Variants in GOSR2 observed in about 807,000 individuals in gnomAD.
GOSR2 encodes the protein 27 kDa Golgi SNARE protein.
A neutral mutation model predicts 27.9 loss-of-function variants in GOSR2; 20 were observed. That is an observed-to-expected ratio of 0.72 (90% confidence interval 0.50 to 1.04). The LOEUF is 1.04. GOSR2 is among the 50% of genes least tolerant of loss of function. The pLI is 0.00. For missense variants in GOSR2, 261 were observed against 270.5 expected, an observed-to-expected ratio of 0.97 and a Z score of 0.25; for synonymous variants, 91 against 98.8, an observed-to-expected ratio of 0.92 and a Z score of 0.47.
intron 6 of GOSR2, among the ~76,000 whole-genome samples, chr17:46,972,038 G>A (rs2091398261): frequency 6.6e-6 from 1 of 152,198 alleles, no homozygotes; most frequent in African/African-American, 2.4e-5. Flanking sequence ...ACCTTCCCAA[G>A]ACAGGGAACT....
chr17:46,953,874 G>T (rs1162260113), intron 6 of GOSR2, among the ~76,000 whole-genome samples: 1 of 152,062 alleles, frequency 6.6e-6, no homozygotes, highest in East Asian at 1.9e-4. Context: ...TCGCCCACTT[G>T]TTGATGGGGT....
At chr17:46,965,849 T>G (rs2091295138) in intron 6 of GOSR2, among the ~76,000 whole-genome samples, 1 of 151,662 alleles carries the variant, frequency 6.6e-6, no homozygotes. Context: ...CAGGTTGGTC[T>G]TGAACTCCTG....
At chr17:46,942,832 A>G (rs78181247), downstream of GOSR2, among the ~76,000 whole-genome samples, 15,362 of 152,176 alleles carry the variant, frequency 0.1, 848 homozygotes, top group African/African-American at 0.12. Flanking sequence ...TTCATTTCAT[A>G]TGGAAGGCAC....
chr17:46,960,224 G>T (rs1051534591), intron 6 of GOSR2, among the ~76,000 whole-genome samples: 1 of 152,210 alleles, frequency 6.6e-6, no homozygotes, highest in Admixed American at 6.5e-5. Flanking sequence ...AAGATATACA[G>T]ATGGCACTTA....
chr17:46,938,230 T>C (rs2088736660), intron 5 of GOSR2, among the ~76,000 whole-genome samples: 1 of 152,228 alleles, frequency 6.6e-6, no homozygotes, highest in Non-Finnish European at 1.5e-5. Flanking sequence ...TTAGCTTTTA[T>C]GTTTAATTCT....
At chr17:46,934,050 GC>G (rs2087846060) in intron 4 of GOSR2, among the ~76,000 whole-genome samples, 1 of 152,180 alleles carries the variant, frequency 6.6e-6, no homozygotes, top group African/African-American at 2.4e-5. Flanking sequence ...CTTGGCTCCT[GC>G]CTATAGTCCA....
At chr17:46,945,297 T>C (rs1322322200), downstream of GOSR2, among the ~76,000 whole-genome samples, 1 of 152,174 alleles carries the variant, frequency 6.6e-6, no homozygotes, top group Non-Finnish European at 1.5e-5. Context: ...CTCAGAGGCC[T>C]GAGTTCATGC....
At chr17:46,957,954 G>A (rs1007141259) in intron 6 of GOSR2, among the ~76,000 whole-genome samples, 3 of 152,154 alleles carry the variant, frequency 2.0e-5, no homozygotes, top group East Asian at 1.9e-4. Flanking sequence ...AGAGGGAGTC[G>A]GAGATCTGAC....
chr17:46,945,246 T>A (rs1412956348), downstream of GOSR2, among the ~76,000 whole-genome samples: 1 of 152,170 alleles, frequency 6.6e-6, no homozygotes, highest in Non-Finnish European at 1.5e-5. Flanking sequence ...CACGACATCC[T>A]CCACGCACTG....
downstream of GOSR2, among the ~76,000 whole-genome samples, chr17:46,943,974 AG>A (rs912092413): frequency 6.6e-6 from 1 of 151,980 alleles, no homozygotes; most frequent in African/African-American, 2.4e-5. Flanking sequence ...ATCTAGGAAG[AG>A]GGGGCTCTCG....
At chr17:46,935,584 A>G (rs1016829789) in intron 5 of GOSR2, 6 of 1,108,278 alleles carry the variant, frequency 5.4e-6, no homozygotes, top group African/African-American at 4.9e-5. Context: ...CTGCCTTATA[A>G]CTAAAACCTT....
Position 46,940,124 on chromosome 17 carries a change from T to C in GOSR2, c.*1364T>C. On this transcript the variant is annotated 3_prime_UTR_variant, in exon 6 of 6. Coordinates refer to ENST00000640051, the MANE Select transcript of GOSR2 (RefSeq NM_004287.5). ...TTTCTGTGTTCCTCTTCACCTCTCT[T>C]GTTCCCCTCCCCGCTGCTCTGTAGT... The C allele has an allele frequency of 8.1e-7, 1 of 1,233,454 alleles. No homozygotes were observed. Among genetic ancestry groups the C allele is most frequent in the Admixed American group, 3.8e-5 (1 of 26,190 alleles). 76.4% of individuals were successfully genotyped at this position (1,233,454 alleles called of 1,614,324 possible). A position where few individuals can be genotyped will look rare whatever the true frequency, so the allele number is the denominator to read the frequency against.
At position 46,940,085 on chromosome 17, in the gene GOSR2, C is replaced by CTTAT; in HGVS notation, c.*1328_*1331dup. 1.8e-6 allele frequency: 2 copies of CTTAT among 1,132,024 alleles called. No individual in the cohort carries two copies. Among genetic ancestry groups the CTTAT allele is most frequent in the Non-Finnish European group, 2.2e-6 (2 of 920,514 alleles). The allele number at this position is 1,132,024 out of a possible 1,614,324, so 70.1% of individuals were successfully genotyped here. ...TCTTGTTGCTTGAACTGTCTTCTGT[C>CTTAT]TTATTTCCCTTCCTTTCTGTGTTCC... is the stretch of plus-strand genomic sequence containing the variant. On this transcript the variant is annotated 3_prime_UTR_variant, in exon 6 of 6. Coordinates refer to ENST00000640051, the MANE Select transcript of GOSR2 (RefSeq NM_004287.5).
chr17:46,970,825 C>T (rs2091384830), downstream of GOSR2, among the ~76,000 whole-genome samples: 1 of 152,224 alleles, frequency 6.6e-6, no homozygotes, highest in Non-Finnish European at 1.5e-5. Context: ...CCTTTGTCAT[C>T]ATACACTGAT....
intron 6 of GOSR2, among the ~76,000 whole-genome samples, chr17:46,954,534 TTAAAG>T (rs918694702): frequency 1.3e-5 from 2 of 152,210 alleles, no homozygotes; most frequent in African/African-American, 2.4e-5. Context: ...CATATGAACT[TTAAAG>T]TAGTTTTTTC....
chr17:46,953,253 T>C (rs1020827656), intron 6 of GOSR2, among the ~76,000 whole-genome samples: 1 of 152,018 alleles, frequency 6.6e-6, no homozygotes, highest in Non-Finnish European at 1.5e-5. Flanking sequence ...TGTGTCCATG[T>C]GTTCTCATTG....
downstream of GOSR2, among the ~76,000 whole-genome samples, chr17:46,943,109 C>T (rs907733737): frequency 3.3e-5 from 5 of 152,192 alleles, no homozygotes; most frequent in African/African-American, 9.7e-5. Context: ...GGGTAGGGAG[C>T]CGATGGCTCT....
At position 46,929,508 on chromosome 17, in the gene GOSR2, T is replaced by C. The variant is rs993321791; in HGVS notation, c.30-12T>C. 10 of 1,469,268 alleles carry C rather than the reference T, an allele frequency of 6.8e-6. No individual in the cohort carries two copies. Among genetic ancestry groups the C allele is most frequent in the Non-Finnish European group, 9.5e-6 (10 of 1,048,126 alleles). 91.0% of individuals were successfully genotyped at this position (1,469,268 alleles called of 1,614,324 possible). ...TCCTGTCTCACTCATTTCCTCCCTCTTCCTTTGATAGGCAGGTCCACGAGA... is the reference window on the plus strand; with the variant it reads ...TCCTGTCTCACTCATTTCCTCCCTCCTCCTTTGATAGGCAGGTCCACGAGA... On this transcript the variant is annotated splice_polypyrimidine_tract_variant and intron_variant, in intron 1 of 5. Transcript: ENST00000640051.
rs192284406 is a variant in GOSR2 at position 46,952,040 on chromosome 17, G to A, written c.583+13336G>A. 3.0e-4 allele frequency among the ~76,000 whole-genome samples: 45 copies of A among 152,302 alleles called. 1 individual carries two copies. Among genetic ancestry groups the A allele is most frequent in the Admixed American group, 2.7e-3 (42 of 15,300 alleles). On this transcript the variant is annotated intron_variant, in intron 6 of 6. Coordinates refer to the GOSR2 transcript ENST00000573224. ...CTTCGTATATATTGCATCAGGGAGA[G>A]GGGGAGATTCCTGAAGCTGGGTTGT...
Sources: allele counts gnomAD v4.1 joint callset (sites outside exome capture counted in the v4.1 genomes callset), GRCh38; gene constraint gnomAD v4.1.1; transcripts MANE v1.5; gene names NCBI Gene and HGNC (gene_info 2026-07-23, HGNC 2026-07-21).